The following CFAP57 variants were observed in gnomAD, a reference collection of about 807,000 sequenced individuals.
The protein encoded by CFAP57 is cilia- and flagella-associated protein 57.
In CFAP57, 116 loss-of-function variants were observed where a neutral mutation model predicts 146.8. The ratio of observed to expected loss-of-function variants is 0.79; its 90% CI spans 0.68 to 0.92. The LOEUF is 0.92. Among genes scored for constraint, CFAP57 ranks in the 40% least tolerant of loss-of-function variants. CFAP57 has a pLI of 0.00. For missense variants in CFAP57, 1,377 were observed against 1,527.2 expected (o/e 0.90, Z 1.64); for synonymous variants, 518 against 552.8 (o/e 0.94, Z 0.88).
At chr1:43,173,409 T>C (rs1348471603) in intron 2 of CFAP57, among the ~76,000 whole-genome samples, 1 of 152,246 alleles carries the variant, frequency 6.6e-6, no homozygotes, top group African/African-American at 2.4e-5. Context: ...GAATCCATTT[T>C]CCCATTCTTT....
chr1:43,212,899 G>A (rs1019545028), intron 11 of CFAP57, among the ~76,000 whole-genome samples: 1 of 142,272 alleles, frequency 7.0e-6, no homozygotes, highest in African/African-American at 2.6e-5. Flanking sequence ...TCGTGCCACT[G>A]CACTCTTAGC....
chr1:43,198,398 TAACA>T lies in CFAP57; in HGVS notation c.1263-81_1263-78del, dbSNP rs1643957038. ...CAGTAGTGTGTCTCAAATACGATGA[TAACA>T]ATATATATCAGATACAGTAGATGAC... is the stretch of plus-strand genomic sequence containing the variant. On this transcript the variant is annotated intron_variant, in intron 7 of 22. Transcript: ENST00000372492. 2.1e-6 allele frequency: 3 copies of T among 1,454,226 alleles called. No homozygotes were observed. In the South Asian group the frequency reaches 3.5e-5, roughly 17 times the overall value. The allele number at this position is 1,454,226 out of a possible 1,614,324, so 90.1% of individuals were successfully genotyped here.
At chr1:43,197,800 A>C in intron 7 of CFAP57, 108 bp downstream of exon 7, 1 of 1,470,568 alleles carries the variant, frequency 6.8e-7, no homozygotes, top group South Asian at 1.2e-5. Context: ...AGAAGCTTTC[A>C]GTTGGAAAAG....
At chr1:43,220,552 C>T (rs1645003716) in intron 13 of CFAP57, among the ~76,000 whole-genome samples, 1 of 152,142 alleles carries the variant, frequency 6.6e-6, no homozygotes, top group African/African-American at 2.4e-5. Context: ...TAGTGAGACC[C>T]TGTCTCTATG....
At chr1:43,177,652 C>T (rs1249156237) in intron 2 of CFAP57, among the ~76,000 whole-genome samples, 1 of 152,122 alleles carries the variant, frequency 6.6e-6, no homozygotes, top group Admixed American at 6.5e-5. Context: ...TTTCCATGGA[C>T]AGGATGGAGA....
chr1:43,193,918 G>A (rs1270968829), intron 6 of CFAP57, among the ~76,000 whole-genome samples: 1 of 151,606 alleles, frequency 6.6e-6, no homozygotes, highest in Non-Finnish European at 1.5e-5. Context: ...GCTATTACTG[G>A]GAAATATATT....
At chr1:43,210,467 C>A in intron 11 of CFAP57, 4 of 1,043,282 alleles carry the variant, frequency 3.8e-6, no homozygotes, top group Non-Finnish European at 4.7e-6. Flanking sequence ...GATGGTATAT[C>A]TATACAATGG....
chr1:43,175,763 C>G (rs1025215783), intron 2 of CFAP57, among the ~76,000 whole-genome samples: 1 of 151,336 alleles, frequency 6.6e-6, no homozygotes, highest in Non-Finnish European at 1.5e-5. Flanking sequence ...ACCTCAGCCT[C>G]CCAAGTAGCT....
chr1:43,205,307 T>C (rs1380688029), intron 9 of CFAP57, among the ~76,000 whole-genome samples: 1 of 152,232 alleles, frequency 6.6e-6, no homozygotes, highest in Admixed American at 6.5e-5. Flanking sequence ...CCATGTTCTA[T>C]TCCAAATAAA....
At chr1:43,177,121 G>T (rs1245462387) in intron 2 of CFAP57, 14 of 456,150 alleles carry the variant, frequency 3.1e-5, no homozygotes, top group Admixed American at 1.6e-4. Flanking sequence ...GTTTCCTCAG[G>T]TTCATTCTGG....
chr1:43,237,799 G>A (rs1013836092), intron 21 of CFAP57, among the ~76,000 whole-genome samples: 1 of 152,070 alleles, frequency 6.6e-6, no homozygotes. Context: ...GGTCATGTTG[G>A]AAAGGGCGTC....
intron 18 of CFAP57, among the ~76,000 whole-genome samples, chr1:43,228,788 T>C (rs1184974008): frequency 6.7e-6 from 1 of 149,126 alleles, no homozygotes; most frequent in African/African-American, 2.5e-5. Flanking sequence ...AACAGAAATG[T>C]ATTGCTGAAA....
At chr1:43,192,928 C>CA (rs975675746) in intron 6 of CFAP57, among the ~76,000 whole-genome samples, 46 of 137,438 alleles carry the variant, frequency 3.3e-4, no homozygotes, top group East Asian at 1.3e-3. Flanking sequence ...AACTCCATCT[C>CA]AAAAAAAAAA....
chr1:43,253,406 A>C (rs374367435), intron 22 of CFAP57, among the ~76,000 whole-genome samples: 19 of 152,336 alleles, frequency 1.2e-4, no homozygotes, highest in African/African-American at 4.1e-4. Context: ...GGCCAAGGTC[A>C]CTAATGCTGC....
Position 43,234,267 on chromosome 1 carries a change from C to T in CFAP57, c.3127-12C>T, listed in dbSNP as rs1427242621. The stretch of plus-strand genomic sequence containing the variant: ...ACCCTACAGCACCAGAAGGAAACGT[C>T]TCTGATTGCAGGAGCGAGACTTGGA... On this transcript the variant is annotated splice_polypyrimidine_tract_variant and intron_variant, in intron 19 of 22. Coordinates refer to ENST00000372492, the MANE Select transcript of CFAP57 (RefSeq NM_001378189.1). 5.8e-6 allele frequency: 9 copies of T among 1,541,434 alleles called. No homozygotes were observed. Among genetic ancestry groups the T allele is most frequent in the East Asian group, 4.9e-5 (2 of 40,776 alleles).
Position 43,222,239 on chromosome 1 carries a change from G to T in CFAP57, c.2476G>T (p.Glu826Ter). Reference sequence around the variant, plus strand: ...TGAGACCAAGAGCCAGGCCCTGGAGGAGCTGACTGAGTTTTACGAGGCAAA... The same window carrying T: ...TGAGACCAAGAGCCAGGCCCTGGAGTAGCTGACTGAGTTTTACGAGGCAAA... Reference protein sequence around the residue: ...NDETKSQALEELTEFYEAKLQ... With the variant: ...NDETKSQALE Residue 826 changes from glutamate (E) to a stop codon, truncating the protein, a stop_gained, in exon 15 of 23, where the codon GAG becomes TAG. Coordinates refer to ENST00000372492, the MANE Select transcript of CFAP57 (RefSeq NM_001378189.1). LOFTEE classifies it high-confidence loss of function. The T allele has an allele frequency of 2.0e-6, 3 of 1,492,302 alleles. No homozygotes were observed. Among genetic ancestry groups the T allele is most frequent in the Non-Finnish European group, 2.7e-6 (3 of 1,118,304 alleles). 92.4% of individuals were successfully genotyped at this position (1,492,302 alleles called of 1,614,324 possible). A position where few individuals can be genotyped will look rare whatever the true frequency, so the allele number is the denominator to read the frequency against.
chr1:43,186,632 A>G (rs1225981336), intron 5 of CFAP57, 75 bp from the exon 6 acceptor site: 3 of 1,285,272 alleles, frequency 2.3e-6, no homozygotes, highest in East Asian at 2.4e-5. Context: ...AAAAAAAAAA[A>G]AGAAAACTCT....
chr1:43,202,732 G>A (rs7547950), intron 9 of CFAP57, among the ~76,000 whole-genome samples: 9,486 of 151,010 alleles, frequency 0.063, 1,023 homozygotes, highest in African/African-American at 0.22. Context: ...GCAGTGAGCC[G>A]AGATTATGCC....
At chr1:43,234,760 C>T in intron 21 of CFAP57, 122 bp downstream of exon 21, 1 of 1,256,610 alleles carries the variant, frequency 8.0e-7, no homozygotes, top group East Asian at 2.6e-5. Flanking sequence ...GGCCCAGTAG[C>T]TCCCCCTAAA....
Sources: gnomAD v4.1 joint callset for allele counts (sites outside exome capture counted in the v4.1 genomes callset) on GRCh38, gnomAD v4.1.1 for gene constraint, MANE v1.5 for transcripts, NCBI Gene and HGNC (gene_info 2026-07-23, HGNC 2026-07-21) for gene names.